Variants in LARGE1 observed in about 807,000 individuals in gnomAD.
LARGE1 encodes LARGE xylosyl- and glucuronyltransferase 1, also known as xylosyl- and glucuronyltransferase LARGE1.
In LARGE1, 43 loss-of-function variants were observed where a neutral mutation model predicts 87.6. The observed-to-expected ratio is 0.49, with a 90% CI of 0.38 to 0.63. The LOEUF is 0.63. Ranked by LOEUF, LARGE1 falls within the 30% of genes least tolerant of loss-of-function variation. The pLI is 0.00. For synonymous variants in LARGE1, 434 were observed against 394.6 expected (o/e 1.10, Z -1.18); for missense variants, 802 against 1,000.2 (o/e 0.80, Z 2.67).
At chr22:33,174,667 C>A (rs954746741) in intron 11 of LARGE1, among the ~76,000 whole-genome samples, 46 of 152,060 alleles carry the variant, frequency 3.0e-4, no homozygotes, top group Admixed American at 1.0e-3. Flanking sequence ...AATATCACCA[C>A]GGATCCCATA....
chr22:33,871,999 G>GAAAAAAAA (rs2064302422), intron 1 of LARGE1, among the ~76,000 whole-genome samples: 1 of 136,934 alleles, frequency 7.3e-6, no homozygotes, highest in Non-Finnish European at 1.5e-5. Flanking sequence ...AAAAAAAAAA[G>GAAAAAAAA]AAAAGAAAAC....
At chr22:33,532,985 ATTTCATGGTC>A (rs2076941633) in intron 6 of LARGE1, among the ~76,000 whole-genome samples, 1 of 152,210 alleles carries the variant, frequency 6.6e-6, no homozygotes, top group Non-Finnish European at 1.5e-5. Context: ...CAAATGTTTG[ATTTCATGGTC>A]TTTCAGTGGA....
chr22:33,606,702 A>G (rs2079274853), intron 4 of LARGE1, among the ~76,000 whole-genome samples: 1 of 152,058 alleles, frequency 6.6e-6, no homozygotes, highest in Non-Finnish European at 1.5e-5. Context: ...TTGTCAGGGG[A>G]TGAGCTGGAT....
chr22:33,096,686 TC>T, the LARGE1 span, among the ~76,000 whole-genome samples: 4,468 of 150,856 alleles, frequency 0.03, 165 homozygotes, highest in African/African-American at 0.081. Context: ...TGCCTCCGCC[TC>T]CCGAGCAGGT....
At chr22:33,727,263 G>A (rs1390831849) in intron 2 of LARGE1, among the ~76,000 whole-genome samples, 1 of 152,238 alleles carries the variant, frequency 6.6e-6, no homozygotes, top group Non-Finnish European at 1.5e-5. Context: ...GTAACAGCCT[G>A]AGCTGGTTTG....
At chr22:33,245,099 A>T (rs1011918270) in intron 11 of LARGE1, among the ~76,000 whole-genome samples, 1 of 152,218 alleles carries the variant, frequency 6.6e-6, no homozygotes, top group Non-Finnish European at 1.5e-5. Context: ...TAACTTGTCA[A>T]TGCCATCTTT....
chr22:33,676,580 ACAC>A (rs1569363165), intron 2 of LARGE1, among the ~76,000 whole-genome samples: 2 of 150,696 alleles, frequency 1.3e-5, no homozygotes, highest in African/African-American at 2.5e-5. Flanking sequence ...GAAAAGAAAA[ACAC>A]CACCAACAAA....
intron 7 of LARGE1, among the ~76,000 whole-genome samples, chr22:33,394,709 G>A (rs934320744): frequency 2.6e-5 from 2 of 76,904 alleles, no homozygotes; most frequent in African/African-American, 1.7e-4. Flanking sequence ...GAGCGTGTGT[G>A]TGTGTGTGTG....
chr22:33,825,566 C>T (rs1601708215), intron 1 of LARGE1, among the ~76,000 whole-genome samples: 1 of 152,034 alleles, frequency 6.6e-6, no homozygotes, highest in Non-Finnish European at 1.5e-5. Flanking sequence ...GGGAAAGCCC[C>T]TTCTAAAACT....
At chr22:33,070,691 T>C in the LARGE1 span, among the ~76,000 whole-genome samples, 1 of 152,060 alleles carries the variant, frequency 6.6e-6, no homozygotes, top group African/African-American at 2.4e-5. Context: ...TGTGAGAACA[T>C]AGAGAAGAGG....
the LARGE1 span, among the ~76,000 whole-genome samples, chr22:33,098,342 G>T: frequency 6.6e-5 from 10 of 152,110 alleles, no homozygotes; most frequent in African/African-American, 2.4e-4. Context: ...AAAATAGGCC[G>T]GGCGCAGTGG....
chr22:33,214,862 C>T (rs1925132058), intron 11 of LARGE1, among the ~76,000 whole-genome samples: 1 of 152,146 alleles, frequency 6.6e-6, no homozygotes. Flanking sequence ...TACAGCCTGG[C>T]CTCAGCTGGG....
At chr22:33,694,693 T>G (rs190815602) in intron 2 of LARGE1, among the ~76,000 whole-genome samples, 1 of 151,556 alleles carries the variant, frequency 6.6e-6, no homozygotes, top group Admixed American at 6.6e-5. Flanking sequence ...TACACATACA[T>G]GGAGAGAGAA....
chr22:33,648,668 A>T (rs894844210), intron 3 of LARGE1, among the ~76,000 whole-genome samples: 6 of 152,226 alleles, frequency 3.9e-5, no homozygotes, highest in Non-Finnish European at 8.8e-5. Context: ...GTTTTCATAC[A>T]TAGAGATATT....
intron 1 of LARGE1, among the ~76,000 whole-genome samples, chr22:33,871,197 C>A (rs532022992): frequency 1.3e-5 from 2 of 152,118 alleles, no homozygotes; most frequent in African/African-American, 4.8e-5. Context: ...CTCAAATTAA[C>A]GTATATTTAT....
At chr22:33,794,697 T>C (rs998409775) in intron 1 of LARGE1, among the ~76,000 whole-genome samples, 3 of 12,706 alleles carry the variant, frequency 2.4e-4, no homozygotes, top group African/African-American at 1.1e-3. Flanking sequence ...CTCGGCTCAC[T>C]GCAACCTCCG....
At chr22:33,123,260 T>G in the LARGE1 span, among the ~76,000 whole-genome samples, 2 of 152,342 alleles carry the variant, frequency 1.3e-5, no homozygotes, top group East Asian at 3.9e-4. Context: ...TCCTTTCTTT[T>G]TACAGAATAA....
At chr22:33,318,160 A>T (rs1180952201) in intron 10 of LARGE1, among the ~76,000 whole-genome samples, 2 of 148,598 alleles carry the variant, frequency 1.3e-5, no homozygotes, top group African/African-American at 2.5e-5. Context: ...GCTTGAACCC[A>T]GGGGGCAGAG....
rs368030516 is a variant in LARGE1 at position 33,304,415 on chromosome 22, C to T, written c.1544G>A (p.Arg515His). The T allele has an allele frequency of 9.3e-6, 15 of 1,614,098 alleles. No homozygotes were observed. Among genetic ancestry groups the T allele is most frequent in the African/African-American group, 6.7e-5 (5 of 74,946 alleles). Residue 515 changes from arginine to histidine, a missense_variant, in exon 12 of 15, where the codon CGC (arginine) becomes CAC (histidine). Physicochemically the swap from Arg to His is conservative, Grantham distance 29 (BLOSUM62 0). This residue lies in a region of LARGE1 where 625 missense variants were observed against 841.9 expected (regional missense o/e 0.74). Coordinates refer to ENST00000397394, the MANE Select transcript of LARGE1 (RefSeq NM_133642.5). Reference sequence around the variant, plus strand: ...AAGCACCTCAGAGCCCTGTGCGTAGCGGAGGAACTGCTGGGCCTCGGCGTC... The same window carrying T: ...AAGCACCTCAGAGCCCTGTGCGTAGTGGAGGAACTGCTGGGCCTCGGCGTC... ...LSDAEAQQFL[R>H]YAQGSEVLMS...
Sources: gnomAD v4.1 joint callset for allele counts (sites outside exome capture counted in the v4.1 genomes callset) on GRCh38, gnomAD v4.1.1 for gene constraint, gnomAD v4.1.1 regional missense constraint, MANE v1.5 for transcripts, NCBI Gene and HGNC (gene_info 2026-07-23, HGNC 2026-07-21) for gene names.